SDK1: variants seen among roughly 807,000 people sequenced by gnomAD.
SDK1 encodes the protein protein sidekick-1.
A neutral mutation model predicts 245.5 loss-of-function variants in SDK1; 157 were observed. That is an observed-to-expected ratio of 0.64 (90% CI 0.56 to 0.73). SDK1 has a LOEUF of 0.73. Ranked by LOEUF, SDK1 falls within the 30% of genes least tolerant of loss-of-function variation. SDK1 has a pLI of 0.00. For missense variants in SDK1, 3,583 were observed against 3,002.3 expected, an observed-to-expected ratio of 1.19 and a Z score of -4.52; for synonymous variants, 1,647 against 1,278.5, an observed-to-expected ratio of 1.29 and a Z score of -6.15.
At chr7:4,006,814 C>G (rs187157374) in intron 14 of SDK1, among the ~76,000 whole-genome samples, 3 of 152,214 alleles carry the variant, frequency 2.0e-5, no homozygotes, top group Non-Finnish European at 4.4e-5. Flanking sequence ...AGGCAGCAGA[C>G]TCTGAACCCT....
At chr7:3,680,374 T>C (rs991117752) in intron 4 of SDK1, among the ~76,000 whole-genome samples, 4 of 152,144 alleles carry the variant, frequency 2.6e-5, no homozygotes, top group African/African-American at 9.7e-5. Context: ...TTTGTCGTGG[T>C]AGGACAGTCT....
intron 14 of SDK1, among the ~76,000 whole-genome samples, chr7:3,989,815 G>T (rs113126341): frequency 6.6e-6 from 1 of 152,172 alleles, no homozygotes; most frequent in Non-Finnish European, 1.5e-5. Flanking sequence ...CTTCCCTGGG[G>T]GTTCCCTTCT....
intron 44 of SDK1, among the ~76,000 whole-genome samples, chr7:4,260,150 G>T (rs1787890603): frequency 6.6e-6 from 1 of 151,238 alleles, no homozygotes; most frequent in African/African-American, 2.4e-5. Context: ...CTGCTCCGGG[G>T]TCTCTGTGTG....
At chr7:4,162,453 G>T (rs112292132) in intron 32 of SDK1, among the ~76,000 whole-genome samples, 38 of 151,256 alleles carry the variant, frequency 2.5e-4, no homozygotes, top group Middle Eastern at 3.5e-3. Flanking sequence ...AGGCTGGAGT[G>T]CAGTGGCACA....
chr7:3,862,869 C>T (rs566498151), intron 5 of SDK1, among the ~76,000 whole-genome samples: 1 of 152,160 alleles, frequency 6.6e-6, no homozygotes, highest in African/African-American at 2.4e-5. Flanking sequence ...ATTAGATTCT[C>T]ATAAGGAGCA....
intron 40 of SDK1, among the ~76,000 whole-genome samples, chr7:4,232,042 CTTTTTT>C (rs58243380): frequency 7.7e-4 from 102 of 131,826 alleles, no homozygotes; most frequent in African/African-American, 2.7e-3. Flanking sequence ...TCTGAGCCTA[CTTTTTT>C]TTTTTTTTTT....
At chr7:4,166,828 CCCTGCCCT>C (rs1323069419) in intron 32 of SDK1, among the ~76,000 whole-genome samples, 3 of 152,206 alleles carry the variant, frequency 2.0e-5, no homozygotes, top group African/African-American at 7.2e-5. Context: ...GAGAGTTAGG[CCCTGCCCT>C]GCTGCTCCCC....
chr7:3,635,753 C>T (rs1782437897), intron 2 of SDK1, among the ~76,000 whole-genome samples: 1 of 152,164 alleles, frequency 6.6e-6, no homozygotes, highest in Non-Finnish European at 1.5e-5. Flanking sequence ...GTCACCCAGG[C>T]TGGAGTGCAG....
intron 30 of SDK1, among the ~76,000 whole-genome samples, chr7:4,150,720 G>A (rs948458238): frequency 6.6e-6 from 1 of 152,214 alleles, no homozygotes; most frequent in Non-Finnish European, 1.5e-5. Flanking sequence ...TGCCCTGGGG[G>A]CAAAGTTCAG....
chr7:3,621,829 A>T (rs1222773376), intron 2 of SDK1, among the ~76,000 whole-genome samples: 1 of 152,228 alleles, frequency 6.6e-6, no homozygotes, highest in Non-Finnish European at 1.5e-5. Context: ...TATGGGTCTC[A>T]AACTATTATT....
intron 13 of SDK1, among the ~76,000 whole-genome samples, chr7:3,986,129 G>T (rs1425683442): frequency 6.6e-6 from 1 of 152,146 alleles, no homozygotes; most frequent in Admixed American, 6.5e-5. Context: ...TAAGGTTGTA[G>T]ACTCAGCCTT....
intron 27 of SDK1, among the ~76,000 whole-genome samples, chr7:4,131,819 C>T (rs1225383197): frequency 2.1e-5 from 3 of 139,928 alleles, no homozygotes; most frequent in Non-Finnish European, 4.7e-5. Flanking sequence ...GGTGGCATGC[C>T]TACGAGAGAA....
At chr7:4,080,152 G>C (rs1029259609) in intron 22 of SDK1, among the ~76,000 whole-genome samples, 3 of 152,130 alleles carry the variant, frequency 2.0e-5, no homozygotes, top group Non-Finnish European at 4.4e-5. Flanking sequence ...GGGTGCTGGA[G>C]GGAGGGGAGC....
At position 4,111,131 on chromosome 7, in the gene SDK1, G is replaced by A. The variant is rs903160979; in HGVS notation, c.3434+359G>A. 3.3e-5 allele frequency among the ~76,000 whole-genome samples: 5 copies of A among 152,184 alleles called. No individual in the cohort carries two copies. In the East Asian group the frequency reaches 9.6e-4, roughly 29 times the overall value. ...TGTTGGGACTATTAACGTGCCGTGT[G>A]CAAACAAAGCAGATGTCCTAGGAAG... On this transcript the variant is annotated intron_variant, in intron 23 of 44. Coordinates refer to ENST00000404826, the MANE Select transcript of SDK1 (RefSeq NM_152744.4).
In SDK1 at chr7:4,184,160, G is replaced by A. The variant is rs2128220835; in HGVS notation, c.5098+5574G>A. On this transcript the variant is annotated intron_variant, in intron 35 of 44. Transcript: ENST00000404826. ...TAGAGCAAGTAGGCCTTCAGAAGAG[G>A]AAATTAAATTGGGCCAGCTTCCGTC... is the stretch of plus-strand genomic sequence containing the variant. Among the ~76,000 whole-genome samples the A allele has an allele frequency of 2.0e-5, 3 of 152,348 alleles. No individual in the cohort carries two copies. In the South Asian group the frequency reaches 6.2e-4, roughly 32 times the overall value.
intron 13 of SDK1, among the ~76,000 whole-genome samples, chr7:3,982,380 C>T (rs975161329): frequency 6.6e-6 from 1 of 152,182 alleles, no homozygotes; most frequent in Non-Finnish European, 1.5e-5. Context: ...GCACAACATC[C>T]GTTCTGCAGA....
intron 26 of SDK1, among the ~76,000 whole-genome samples, chr7:4,128,011 C>T (rs1302099657): frequency 2.6e-5 from 4 of 152,214 alleles, no homozygotes; most frequent in Non-Finnish European, 5.9e-5. Flanking sequence ...AGGGTTGAAT[C>T]TGTCCCAGCT....
intron 5 of SDK1, among the ~76,000 whole-genome samples, chr7:3,876,685 A>C (rs1203878473): frequency 7.2e-5 from 11 of 152,196 alleles, no homozygotes. Context: ...GGCCAAATGA[A>C]AGATGTTTTT....
At chr7:4,204,343 T>C (rs1784070309) in intron 35 of SDK1, among the ~76,000 whole-genome samples, 1 of 152,188 alleles carries the variant, frequency 6.6e-6, no homozygotes, top group Admixed American at 6.5e-5. Context: ...AAATAAGAAT[T>C]TCTGATAATG....
Sources: allele counts gnomAD v4.1 joint callset (sites outside exome capture counted in the v4.1 genomes callset), GRCh38; gene constraint gnomAD v4.1.1; transcripts MANE v1.5; gene names NCBI Gene and HGNC (gene_info 2026-07-23, HGNC 2026-07-21).